The following CFAP299 variants were observed in gnomAD, a reference collection of about 807,000 sequenced individuals.
CFAP299 encodes cilia and flagella associated protein 299.
CFAP299 carries 21 observed loss-of-function variants against 27.0 expected under a neutral mutation model. That is an observed-to-expected ratio of 0.78 (90% CI 0.55 to 1.12). The LOEUF (loss-of-function observed/expected upper bound fraction) is 1.12. Among genes scored for constraint, CFAP299 ranks in the 50% most tolerant of loss-of-function variants. The pLI, the probability that CFAP299 is intolerant of heterozygous loss-of-function variation, is 0.00. For missense variants in CFAP299, 310 were observed against 276.6 expected, an observed-to-expected ratio of 1.12 and a Z score of -0.86; for synonymous variants, 104 against 98.1, an observed-to-expected ratio of 1.06 and a Z score of -0.36.
intron 2 of CFAP299, among the ~76,000 whole-genome samples, chr4:80,580,795 T>C (rs1280388583): frequency 2.6e-5 from 4 of 152,012 alleles, no homozygotes; most frequent in African/African-American, 9.7e-5. Context: ...AGGTTGGCCA[T>C]AGCACTTGCT....
chr4:80,962,572 A>T (rs1202946276), intron 5 of CFAP299, among the ~76,000 whole-genome samples: 3 of 151,922 alleles, frequency 2.0e-5, no homozygotes, highest in Non-Finnish European at 2.9e-5. Context: ...AATTTAAAAA[A>T]AGAGTTGTAA....
intron 2 of CFAP299, chr4:80,387,717 C>T (rs1725093636): frequency 6.3e-7 from 1 of 1,582,446 alleles, no homozygotes; most frequent in Non-Finnish European, 8.7e-7. Flanking sequence ...ATTGGAAGGG[C>T]TTCTCACCTG....
chr4:80,753,295 A>C (rs1725041995), intron 3 of CFAP299, among the ~76,000 whole-genome samples: 1 of 151,602 alleles, frequency 6.6e-6, no homozygotes, highest in South Asian at 2.1e-4. Flanking sequence ...TTTTTCTGTG[A>C]GCATCTTAGA....
At chr4:80,735,359 A>C (rs1723792817) in intron 3 of CFAP299, among the ~76,000 whole-genome samples, 1 of 152,056 alleles carries the variant, frequency 6.6e-6, no homozygotes. Flanking sequence ...GGATTTTCAA[A>C]ATGTGAGATC....
At chr4:80,946,068 G>A (rs1414265942) in intron 5 of CFAP299, among the ~76,000 whole-genome samples, 7 of 149,778 alleles carry the variant, frequency 4.7e-5, no homozygotes, top group Non-Finnish European at 1.0e-4. Context: ...CAGGAGAATG[G>A]CTTGAACCTG....
At chr4:80,691,597 G>T (rs1156971017) in intron 3 of CFAP299, among the ~76,000 whole-genome samples, 2 of 151,348 alleles carry the variant, frequency 1.3e-5, no homozygotes, top group African/African-American at 4.9e-5. Context: ...ATACTGAATG[G>T]GCAAAAACTG....
chr4:80,688,046 C>T (rs893707570), intron 3 of CFAP299, among the ~76,000 whole-genome samples: 2 of 152,218 alleles, frequency 1.3e-5, no homozygotes, highest in Non-Finnish European at 2.9e-5. Flanking sequence ...CCTACACCCA[C>T]GGAGTCTCGC....
At chr4:80,408,138 T>C (rs1004639702) in intron 2 of CFAP299, among the ~76,000 whole-genome samples, 2 of 152,196 alleles carry the variant, frequency 1.3e-5, no homozygotes, top group African/African-American at 2.4e-5. Context: ...CAATAATTTC[T>C]ACTGGGCACA....
intron 2 of CFAP299, among the ~76,000 whole-genome samples, chr4:80,568,543 T>C (rs1735424738): frequency 6.6e-6 from 1 of 152,144 alleles, no homozygotes; most frequent in Non-Finnish European, 1.5e-5. Context: ...GCCTATGTTG[T>C]GGTGATCACA....
the CFAP299 span, among the ~76,000 whole-genome samples, chr4:80,328,983 C>A: frequency 1.3e-5 from 2 of 152,092 alleles, no homozygotes; most frequent in Non-Finnish European, 2.9e-5. Context: ...GCTTGTCAAA[C>A]CCGCAGCCCG....
intron 4 of CFAP299, among the ~76,000 whole-genome samples, chr4:80,905,495 A>G (rs2110199154): frequency 6.6e-6 from 1 of 152,342 alleles, no homozygotes; most frequent in East Asian, 1.9e-4. Context: ...TAGAATTCTC[A>G]AGACTTGCAT....
At chr4:80,643,616 TGG>T (rs1739836492) in intron 3 of CFAP299, among the ~76,000 whole-genome samples, 1 of 152,134 alleles carries the variant, frequency 6.6e-6, no homozygotes, top group African/African-American at 2.4e-5. Flanking sequence ...TTGGAGAGCT[TGG>T]CCTTGGATAT....
intron 4 of CFAP299, among the ~76,000 whole-genome samples, chr4:80,878,014 C>G (rs1261089727): frequency 7.9e-5 from 12 of 152,060 alleles, no homozygotes; most frequent in Non-Finnish European, 1.8e-4. Flanking sequence ...CATAACATCA[C>G]CATTATTTTA....
chr4:80,862,494 G>T (rs369633772), intron 3 of CFAP299, among the ~76,000 whole-genome samples: 1 of 152,110 alleles, frequency 6.6e-6, no homozygotes, highest in Non-Finnish European at 1.5e-5. Context: ...ATTGCAAAAT[G>T]AACAAGCCAG....
At chr4:80,591,111 T>TTA (rs1480999660) in intron 3 of CFAP299, among the ~76,000 whole-genome samples, 2 of 128,578 alleles carry the variant, frequency 1.6e-5, no homozygotes, top group East Asian at 2.2e-4. Context: ...GGAAATTTTT[T>TTA]TTTTTTTTTT....
At chr4:80,741,842 G>T (rs1724291487) in intron 3 of CFAP299, among the ~76,000 whole-genome samples, 1 of 152,158 alleles carries the variant, frequency 6.6e-6, no homozygotes, top group African/African-American at 2.4e-5. Flanking sequence ...TGGCGGTGAG[G>T]CTTGCTGGAA....
intron 2 of CFAP299, among the ~76,000 whole-genome samples, chr4:80,393,899 G>T (rs1349954964): frequency 6.6e-6 from 1 of 152,104 alleles, no homozygotes; most frequent in East Asian, 1.9e-4. Flanking sequence ...TCAAGAGTGG[G>T]ATTGATCTTG....
At chr4:80,759,566 A>C (rs922686622) in intron 3 of CFAP299, among the ~76,000 whole-genome samples, 2 of 152,146 alleles carry the variant, frequency 1.3e-5, no homozygotes, top group African/African-American at 4.8e-5. Flanking sequence ...ATTCTCACCT[A>C]TGTTAAGAAA....
intron 2 of CFAP299, among the ~76,000 whole-genome samples, chr4:80,551,088 C>T (rs1379465539): frequency 6.6e-6 from 1 of 152,116 alleles, no homozygotes; most frequent in Non-Finnish European, 1.5e-5. Context: ...TAAGCCAAAA[C>T]TCTGATAACC....
Sources: gnomAD v4.1 joint callset for allele counts (sites outside exome capture counted in the v4.1 genomes callset) on GRCh38, gnomAD v4.1.1 for gene constraint, MANE v1.5 for transcripts, NCBI Gene and HGNC (gene_info 2026-07-23, HGNC 2026-07-21) for gene names.